NAALADL2: variants seen among roughly 807,000 people sequenced by gnomAD.
NAALADL2 encodes the protein N-acetylated alpha-linked acidic dipeptidase like 2, also known as inactive N-acetylated-alpha-linked acidic dipeptidase-like protein 2.
In NAALADL2, 76 loss-of-function variants were observed where a neutral mutation model predicts 87.2. The ratio of observed to expected loss-of-function variants is 0.87; its 90% CI spans 0.72 to 1.05. The LOEUF is 1.05. Ranked by LOEUF, NAALADL2 falls within the 50% of genes least tolerant of loss-of-function variation. The pLI, the probability that NAALADL2 is intolerant of heterozygous loss-of-function variation, is 0.00. For missense variants in NAALADL2, 1,089 were observed against 945.8 expected, an observed-to-expected ratio of 1.15 and a Z score of -1.99; for synonymous variants, 354 against 331.0, an observed-to-expected ratio of 1.07 and a Z score of -0.75.
intron 3 of NAALADL2, chr3:175,235,820 G>C (rs536986549): frequency 6.6e-6 from 1 of 152,304 alleles, no homozygotes; most frequent in Non-Finnish European, 1.5e-5. Flanking sequence ...CTTGAAGAAG[G>C]AGATACGCAA....
intron 2 of NAALADL2, among the ~76,000 whole-genome samples, chr3:174,699,563 T>G (rs2108878031): frequency 6.6e-6 from 1 of 152,304 alleles, no homozygotes; most frequent in South Asian, 2.1e-4. Context: ...TATATTTTAT[T>G]ACTCAGTTTG....
chr3:174,471,158 G>T (rs1716874432), intron 1 of NAALADL2, among the ~76,000 whole-genome samples: 1 of 150,628 alleles, frequency 6.6e-6, no homozygotes, highest in Admixed American at 6.6e-5. Flanking sequence ...TTTCATTTCT[G>T]TTTTCAAAAT....
At chr3:175,004,870 C>CAA (rs11386928) in intron 1 of NAALADL2, among the ~76,000 whole-genome samples, 94 of 143,952 alleles carry the variant, frequency 6.5e-4, no homozygotes, top group Middle Eastern at 3.6e-3. Context: ...ATTCCAAAAT[C>CAA]AAAAAAAAAA....
intron 2 of NAALADL2, among the ~76,000 whole-genome samples, chr3:175,109,479 A>G (rs1723809523): frequency 6.6e-6 from 1 of 151,838 alleles, no homozygotes; most frequent in African/African-American, 2.4e-5. Context: ...GACAATAGGA[A>G]CATACTTGTT....
At chr3:174,623,572 A>T (rs2108674607) in intron 2 of NAALADL2, among the ~76,000 whole-genome samples, 2 of 151,626 alleles carry the variant, frequency 1.3e-5, no homozygotes, top group South Asian at 4.1e-4. Flanking sequence ...AAATATTTAT[A>T]AATATTTAAA....
At chr3:175,586,635 A>C (rs1454458347) in intron 10 of NAALADL2, among the ~76,000 whole-genome samples, 6 of 152,220 alleles carry the variant, frequency 3.9e-5, no homozygotes, top group Admixed American at 1.3e-4. Flanking sequence ...AAAGGTGAGA[A>C]AAAATAAACT....
intron 2 of NAALADL2, among the ~76,000 whole-genome samples, chr3:174,655,930 G>T (rs569100319): frequency 6.6e-6 from 1 of 152,186 alleles, no homozygotes; most frequent in Non-Finnish European, 1.5e-5. Context: ...GGGTGATGTT[G>T]TTGTTCTTAC....
rs78181022 is a variant in NAALADL2, at chr3:175,208,669, A to G, written c.546-25262A>G. On this transcript the variant is annotated intron_variant, in intron 2 of 13. Coordinates refer to ENST00000454872, the MANE Select transcript of NAALADL2 (RefSeq NM_207015.3). ...AACATTATATTACATTCTTCCGATA[A>G]TGCATTTTTCCACTAAGCATACACT... Among the ~76,000 whole-genome samples, 535 of 152,258 alleles carry G rather than the reference A, an allele frequency of 3.5e-3. 1 individual carries two copies. The highest frequency in any genetic ancestry group is 0.027 in the Middle Eastern group (8 of 294).
intron 1 of NAALADL2, among the ~76,000 whole-genome samples, chr3:174,923,223 A>C (rs1735491452): frequency 6.6e-6 from 1 of 152,210 alleles, no homozygotes; most frequent in African/African-American, 2.4e-5. Flanking sequence ...TCTTAAGCTC[A>C]TGAAATTATA....
chr3:175,184,319 G>T (rs1469882431), intron 2 of NAALADL2, among the ~76,000 whole-genome samples: 1 of 151,966 alleles, frequency 6.6e-6, no homozygotes, highest in South Asian at 2.1e-4. Flanking sequence ...TGAGCATTGG[G>T]TTATCTAAGT....
intron 5 of NAALADL2, among the ~76,000 whole-genome samples, chr3:175,351,013 G>A (rs1177497785): frequency 6.6e-6 from 1 of 151,984 alleles, no homozygotes; most frequent in Admixed American, 6.6e-5. Flanking sequence ...AGGAAAAAAA[G>A]TAGCTTTGAA....
rs976058011 is a variant in NAALADL2 at position 175,602,108 on chromosome 3, T to C, written c.1801-25183T>C. On this transcript the variant is annotated intron_variant, in intron 10 of 13. Transcript: ENST00000454872. Reference sequence around the variant, plus strand: ...GAGTTTTTCCAGCATTAATGACCTATAAGCATCTCTTCAAAAAGTGTGAAT... The same window carrying C: ...GAGTTTTTCCAGCATTAATGACCTACAAGCATCTCTTCAAAAAGTGTGAAT... Among the ~76,000 whole-genome samples the C allele has an allele frequency of 2.0e-5, 3 of 152,252 alleles. No individual in the cohort carries two copies. The South Asian group carries it at 6.2e-4, about 32-fold the overall frequency.
intron 1 of NAALADL2, among the ~76,000 whole-genome samples, chr3:175,094,126 A>T (rs567931040): frequency 2.1e-4 from 31 of 149,934 alleles, no homozygotes; most frequent in East Asian, 1.2e-3. Context: ...AATGTTTTTT[A>T]AAAAAAAACC....
chr3:174,441,551 A>T (rs887677545), intron 1 of NAALADL2, among the ~76,000 whole-genome samples: 5 of 152,192 alleles, frequency 3.3e-5, no homozygotes, highest in African/African-American at 9.7e-5. Flanking sequence ...ATGCCGCTCC[A>T]GTGGACGCCC....
intron 2 of NAALADL2, among the ~76,000 whole-genome samples, chr3:175,106,606 C>T (rs776972432): frequency 2.0e-5 from 3 of 152,072 alleles, no homozygotes; most frequent in Non-Finnish European, 4.4e-5. Context: ...CTTCCTGACA[C>T]TCATGCTATA....
intron 2 of NAALADL2, among the ~76,000 whole-genome samples, chr3:175,103,046 T>A (rs1580457677): frequency 6.7e-6 from 1 of 148,444 alleles, no homozygotes; most frequent in African/African-American, 2.5e-5. Flanking sequence ...GAGGCGGAGG[T>A]TGCAGTGAGC....
intron 1 of NAALADL2, among the ~76,000 whole-genome samples, chr3:174,499,763 C>T (rs1442785258): frequency 1.3e-5 from 2 of 151,882 alleles, no homozygotes; most frequent in Admixed American, 6.6e-5. Context: ...TGGAATCTCT[C>T]TTTTGTTACA....
chr3:174,991,120 C>T (rs1746678197), intron 1 of NAALADL2, among the ~76,000 whole-genome samples: 1 of 152,014 alleles, frequency 6.6e-6, no homozygotes, highest in African/African-American at 2.4e-5. Context: ...CTTTGTGGCA[C>T]AAAGAAGCAC....
At chr3:174,921,828 GAAAAAGAAAAGA>G (rs1735260248) in intron 1 of NAALADL2, among the ~76,000 whole-genome samples, 1 of 71,136 alleles carries the variant, frequency 1.4e-5, no homozygotes, top group African/African-American at 7.3e-5. Flanking sequence ...AAAAGAAAAA[GAAAAAGAAAAGA>G]AAAAAATCTT....
Sources: gnomAD v4.1 joint callset for allele counts (sites outside exome capture counted in the v4.1 genomes callset) on GRCh38, gnomAD v4.1.1 for gene constraint, MANE v1.5 for transcripts, NCBI Gene and HGNC (gene_info 2026-07-23, HGNC 2026-07-21) for gene names.